Variants in RB1CC1 observed in about 807,000 individuals in gnomAD.
The protein encoded by RB1CC1 is RB1 inducible coiled-coil 1.
A neutral mutation model predicts 177.5 loss-of-function variants in RB1CC1; 46 were observed. The observed-to-expected ratio is 0.26, with a 90% CI of 0.20 to 0.33. RB1CC1 has a LOEUF of 0.33. RB1CC1 is among the 10% of genes least tolerant of loss of function. RB1CC1 has a pLI of 1.00. For synonymous variants in RB1CC1, 666 were observed against 613.6 expected, an observed-to-expected ratio of 1.09 and a Z score of -1.26; for missense variants, 1,703 against 1,816.3, an observed-to-expected ratio of 0.94 and a Z score of 1.13.
intron 15 of RB1CC1, among the ~76,000 whole-genome samples, chr8:52,646,105 G>C (rs1429330790): frequency 6.6e-6 from 1 of 152,162 alleles, no homozygotes; most frequent in African/African-American, 2.4e-5. Flanking sequence ...ATAAATTCCA[G>C]ATAATTTGCT....
chr8:52,670,914 C>T (rs905024762), intron 7 of RB1CC1, among the ~76,000 whole-genome samples: 2 of 151,658 alleles, frequency 1.3e-5, no homozygotes, highest in Non-Finnish European at 2.9e-5. Context: ...CGAGATCGTG[C>T]CAGTGCACGC....
intron 15 of RB1CC1, among the ~76,000 whole-genome samples, chr8:52,649,757 A>AG (rs1211373825): frequency 6.6e-6 from 1 of 152,242 alleles, no homozygotes; most frequent in African/African-American, 2.4e-5. Flanking sequence ...ATCATGTAGT[A>AG]GGTAGATTTC....
At chr8:52,648,096 G>C (rs1850219403) in intron 15 of RB1CC1, among the ~76,000 whole-genome samples, 1 of 152,018 alleles carries the variant, frequency 6.6e-6, no homozygotes, top group South Asian at 2.1e-4. Context: ...CACAGTTCCA[G>C]GTACACAAAC....
intron 3 of RB1CC1, among the ~76,000 whole-genome samples, 182 bp from the exon 4 acceptor site, chr8:52,684,195 A>G (rs928486275): frequency 6.6e-6 from 1 of 152,218 alleles, no homozygotes; most frequent in Non-Finnish European, 1.5e-5. Flanking sequence ...CAACTGGCTG[A>G]TCTTAGGTAA....
intron 13 of RB1CC1, among the ~76,000 whole-genome samples, chr8:52,658,555 C>T (rs1198640770): frequency 2.5e-5 from 3 of 118,936 alleles, no homozygotes; most frequent in Admixed American, 1.2e-4. Context: ...CCAGCCTGGG[C>T]GAGAGAGCGA....
At chr8:52,667,993 T>C (rs749693949) in intron 8 of RB1CC1, 28 bp downstream of exon 8, 4 of 1,584,116 alleles carry the variant, frequency 2.5e-6, no homozygotes, top group East Asian at 2.2e-5. Flanking sequence ...ATAAATTCCT[T>C]TTCCTGAGAA....
At chr8:52,709,010 C>T (rs1309020162) in intron 1 of RB1CC1, among the ~76,000 whole-genome samples, 1 of 152,064 alleles carries the variant, frequency 6.6e-6, no homozygotes, top group African/African-American at 2.4e-5. Flanking sequence ...GAGTTTGAGA[C>T]CAGCCTGACC....
chr8:52,711,246 C>A (rs1361322357), intron 1 of RB1CC1, among the ~76,000 whole-genome samples: 1 of 152,030 alleles, frequency 6.6e-6, no homozygotes, highest in Non-Finnish European at 1.5e-5. Context: ...AAAAGTAATC[C>A]AACAGAACCG....
At chr8:52,680,996 T>TGTGTGTGTG (rs1389877008) in intron 5 of RB1CC1, among the ~76,000 whole-genome samples, 22 of 104,986 alleles carry the variant, frequency 2.1e-4, no homozygotes, top group South Asian at 6.7e-4. Flanking sequence ...GTGTGTGTGT[T>TGTGTGTGTG]TTTTTTTTTT....
intron 1 of RB1CC1, among the ~76,000 whole-genome samples, chr8:52,694,855 C>CA (rs1027996419): frequency 6.6e-6 from 1 of 152,006 alleles, no homozygotes; most frequent in African/African-American, 2.4e-5. Flanking sequence ...GGTAGAAAAC[C>CA]AAAAAGAAGA....
chr8:52,680,713 C>T (rs907045352), intron 5 of RB1CC1, among the ~76,000 whole-genome samples: 6 of 152,122 alleles, frequency 3.9e-5, no homozygotes, highest in African/African-American at 1.4e-4. Flanking sequence ...GAATACAATG[C>T]AGCAAAGAAT....
intron 1 of RB1CC1, among the ~76,000 whole-genome samples, chr8:52,691,904 A>G (rs749814469): frequency 1.3e-5 from 2 of 152,268 alleles, no homozygotes; most frequent in Non-Finnish European, 2.9e-5. Flanking sequence ...TAAATGGCAC[A>G]TAAAATCATA....
intron 15 of RB1CC1, among the ~76,000 whole-genome samples, chr8:52,646,820 A>G (rs1409624347): frequency 6.6e-6 from 1 of 152,186 alleles, no homozygotes; most frequent in Non-Finnish European, 1.5e-5. Context: ...ATAACTTCTA[A>G]GTATTAATCT....
intron 15 of RB1CC1, among the ~76,000 whole-genome samples, chr8:52,653,251 C>G (rs1404428186): frequency 2.0e-5 from 3 of 152,098 alleles, no homozygotes; most frequent in African/African-American, 7.2e-5. Context: ...CTGCAGGAAA[C>G]AGCAGAGGGA....
intron 12 of RB1CC1, among the ~76,000 whole-genome samples, chr8:52,659,578 A>G (rs1197652385): frequency 6.6e-6 from 1 of 152,224 alleles, no homozygotes; most frequent in Admixed American, 6.5e-5. Flanking sequence ...AGATGCCAAG[A>G]TGCTCTTCAT....
At chr8:52,632,830 T>C (rs184680651) in intron 20 of RB1CC1, among the ~76,000 whole-genome samples, 50 of 152,248 alleles carry the variant, frequency 3.3e-4, no homozygotes, top group Non-Finnish European at 6.3e-4. Context: ...AAATTCCTTG[T>C]GGACAAAAAA....
Position 52,714,155 on chromosome 8 carries a change from C to T in RB1CC1, c.-247G>A. The T allele has an allele frequency of 3.6e-6, 1 of 275,964 alleles. No individual in the cohort carries two copies. Among genetic ancestry groups the T allele is most frequent in the Non-Finnish European group, 7.4e-6 (1 of 134,320 alleles). The allele number at this position is 275,964 out of a possible 1,614,324, so 17.1% of individuals were successfully genotyped here. A position where few individuals can be genotyped will look rare whatever the true frequency, so the allele number is the denominator to read the frequency against. Reference sequence around the variant, plus strand: ...CCATCTTCCGCCGCCGCCTAGTCCTCGGCAGCGGTTACCAACCGCCCATTC... The same window carrying T: ...CCATCTTCCGCCGCCGCCTAGTCCTTGGCAGCGGTTACCAACCGCCCATTC... On this transcript the variant is annotated 5_prime_UTR_variant, in exon 1 of 24. Transcript: ENST00000025008.
Position 52,673,845 on chromosome 8 carries a change from C to T in RB1CC1, c.1002G>A (p.Arg334=), listed in dbSNP as rs946005595. ...CAAACATCAAATTAACGTTACTTAC[C>T]CTGCTCATAGAATCAAAGCACTTCC... ...LVRKCFDSMS[R]LDPRIIRPFI... Residue 334 remains arginine (R), a splice_region_variant and synonymous_variant, in exon 7 of 24, where the codon AGG becomes AGA. Coordinates refer to ENST00000025008, the MANE Select transcript of RB1CC1 (RefSeq NM_014781.5). 12 of 1,602,706 alleles carry T rather than the reference C, an allele frequency of 7.5e-6. No homozygotes were observed. The highest frequency in any genetic ancestry group is 1.3e-5 in the African/African-American group (1 of 74,428).
At chr8:52,703,326 G>A (rs920232770) in intron 1 of RB1CC1, among the ~76,000 whole-genome samples, 2 of 152,102 alleles carry the variant, frequency 1.3e-5, no homozygotes, top group African/African-American at 4.8e-5. Context: ...TTCCATCTCA[G>A]ATGACACCAC....
Sources: gnomAD v4.1 joint callset for allele counts (sites outside exome capture counted in the v4.1 genomes callset) on GRCh38, gnomAD v4.1.1 for gene constraint, MANE v1.5 for transcripts, NCBI Gene and HGNC (gene_info 2026-07-23, HGNC 2026-07-21) for gene names.